Variants in BANF2 observed in about 807,000 individuals in gnomAD.
BANF2 encodes the protein BANF family member 2.
In BANF2, 4 loss-of-function variants were observed where a neutral mutation model predicts 8.0. That is an observed-to-expected ratio of 0.50 (90% CI 0.25 to 1.14). The LOEUF (loss-of-function observed/expected upper bound fraction) is 1.14. Ranked by LOEUF, BANF2 falls within the 50% of genes most tolerant of loss-of-function variation. BANF2 has a pLI of 0.16. For synonymous variants in BANF2, 50 were observed against 40.6 expected, an observed-to-expected ratio of 1.23 and a Z score of -0.88; for missense variants, 96 against 107.5, an observed-to-expected ratio of 0.89 and a Z score of 0.47.
intron 3 of BANF2, among the ~76,000 whole-genome samples, chr20:17,732,600 G>T (rs952292666): frequency 6.6e-6 from 1 of 152,094 alleles, no homozygotes; most frequent in Non-Finnish European, 1.5e-5. Context: ...CAGATGATCT[G>T]CCCGCTCAGC....
chr20:17,724,003 A>G (rs1308210797), intron 2 of BANF2, among the ~76,000 whole-genome samples: 1 of 152,192 alleles, frequency 6.6e-6, no homozygotes, highest in East Asian at 1.9e-4. Flanking sequence ...CACAAAAACA[A>G]AACAAAACAA....
chr20:17,694,468 T>A (rs2037325474), intron 1 of BANF2, among the ~76,000 whole-genome samples: 1 of 152,106 alleles, frequency 6.6e-6, no homozygotes, highest in Non-Finnish European at 1.5e-5. Flanking sequence ...GAGGAAGTAG[T>A]GCTCATGAGC....
chr20:17,733,076 G>A (rs16999625), intron 3 of BANF2, among the ~76,000 whole-genome samples: 9,918 of 152,260 alleles, frequency 0.065, 327 homozygotes, highest in Middle Eastern at 0.11. Flanking sequence ...CTGCAAGACG[G>A]GGCTTCCTGT....
upstream of BANF2, among the ~76,000 whole-genome samples, chr20:17,698,465 A>G (rs2037369097): frequency 1.3e-5 from 2 of 152,356 alleles, no homozygotes; most frequent in South Asian, 4.1e-4. Flanking sequence ...ATGGCCTAGC[A>G]TAGGCACCTA....
intron 3 of BANF2, among the ~76,000 whole-genome samples, chr20:17,725,866 C>T (rs1568818121): frequency 2.0e-5 from 3 of 152,188 alleles, no homozygotes; most frequent in Admixed American, 6.5e-5. Context: ...CCAAGTCAGT[C>T]TACCAGGCGG....
chr20:17,717,929 G>A (rs951229699), intron 1 of BANF2, among the ~76,000 whole-genome samples: 1 of 152,116 alleles, frequency 6.6e-6, no homozygotes, highest in Non-Finnish European at 1.5e-5. Context: ...CAGTTTCTCA[G>A]CAAGAAAATT....
intron 1 of BANF2, among the ~76,000 whole-genome samples, chr20:17,704,581 T>A (rs1374039801): frequency 6.6e-6 from 1 of 152,244 alleles, no homozygotes; most frequent in East Asian, 1.9e-4. Flanking sequence ...TGTGCCCACA[T>A]AGGGTAACTG....
intron 3 of BANF2, among the ~76,000 whole-genome samples, chr20:17,732,866 T>A (rs1463411112): frequency 1.3e-5 from 2 of 152,140 alleles, no homozygotes; most frequent in Non-Finnish European, 2.9e-5. Context: ...TAGGGGGCTT[T>A]CTGGAGCCGG....
chr20:17,695,643 C>A (rs1453894467), upstream of BANF2, among the ~76,000 whole-genome samples: 1 of 151,940 alleles, frequency 6.6e-6, no homozygotes, highest in Non-Finnish European at 1.5e-5. Context: ...CATATGCACA[C>A]ACCACACATA....
chr20:17,731,626 C>A (rs184342190), intron 3 of BANF2: 1 of 151,958 alleles, frequency 6.6e-6, no homozygotes, highest in East Asian at 1.9e-4. Context: ...TGTAGTGGCA[C>A]GTGCTTGTAG....
At chr20:17,704,561 C>T (rs892077577) in intron 1 of BANF2, among the ~76,000 whole-genome samples, 3 of 152,226 alleles carry the variant, frequency 2.0e-5, no homozygotes, top group South Asian at 2.1e-4. Context: ...TCTTCCCAGG[C>T]ATCTGGGCTT....
At position 17,731,100 on chromosome 20, in the gene BANF2, T is replaced by C. The variant is rs1173110106; in HGVS notation, c.127-4565T>C. On this transcript the variant is annotated intron_variant, in intron 3 of 3. Transcript: ENST00000246090. ...CCAACATGGTGAAATCCCGTCTGTA[T>C]AGAAAATACAAAATTAGCCACGCAT... 7 of 152,104 alleles carry C rather than the reference T, an allele frequency of 4.6e-5. 1 individual carries two copies. The highest frequency in any genetic ancestry group is 4.2e-4 in the South Asian group (2 of 4,812). The allele number at this position is 152,104 out of a possible 1,614,324, so 9.4% of individuals were successfully genotyped here.
chr20:17,713,184 G>A (rs186790090), intron 1 of BANF2, among the ~76,000 whole-genome samples: 28 of 152,030 alleles, frequency 1.8e-4, no homozygotes, highest in Admixed American at 7.9e-4. Context: ...ACTTGACCCC[G>A]GAGTTCAAGG....
chr20:17,695,437 C>A (rs1380251631), upstream of BANF2, among the ~76,000 whole-genome samples: 11 of 111,294 alleles, frequency 9.9e-5, no homozygotes, highest in Non-Finnish European at 1.4e-4. Context: ...CAGAGCAAGA[C>A]CTTGTCTCAA....
chr20:17,733,945 G>A (rs1168270160), intron 3 of BANF2, among the ~76,000 whole-genome samples: 3 of 152,206 alleles, frequency 2.0e-5, no homozygotes, highest in Admixed American at 1.3e-4. Flanking sequence ...GACACCATCA[G>A]GTTTTCCTGG....
intron 1 of BANF2, among the ~76,000 whole-genome samples, chr20:17,719,103 T>C (rs898251055): frequency 2.6e-5 from 4 of 152,052 alleles, no homozygotes; most frequent in African/African-American, 7.2e-5. Context: ...GCCAGGTGCA[T>C]GGTTGTTGTT....
At chr20:17,716,692 C>T (rs1045646389) in intron 1 of BANF2, among the ~76,000 whole-genome samples, 4 of 151,120 alleles carry the variant, frequency 2.6e-5, no homozygotes, top group Non-Finnish European at 5.9e-5. Flanking sequence ...GGTGAAACCC[C>T]GAGCCAGGTG....
At chr20:17,730,487 C>T (rs891112106) in intron 3 of BANF2, among the ~76,000 whole-genome samples, 25 of 152,082 alleles carry the variant, frequency 1.6e-4, no homozygotes, top group Non-Finnish European at 3.4e-4. Context: ...CTCTCTCTCG[C>T]CCTCACCTCC....
intron 1 of BANF2, among the ~76,000 whole-genome samples, chr20:17,710,466 C>A (rs1280924948): frequency 2.0e-5 from 3 of 152,248 alleles, no homozygotes; most frequent in South Asian, 4.1e-4. Context: ...CTATGCATGA[C>A]AATGGCCATA....
Sources: allele counts gnomAD v4.1 joint callset (sites outside exome capture counted in the v4.1 genomes callset), GRCh38; gene constraint gnomAD v4.1.1; transcripts MANE v1.5; gene names NCBI Gene and HGNC (gene_info 2026-07-23, HGNC 2026-07-21).